CALD1: variants seen among roughly 807,000 people sequenced by gnomAD.
CALD1 encodes caldesmon 1.
Under a neutral mutation model 99.9 loss-of-function variants are expected in CALD1, and 33 were observed. The observed-to-expected ratio is 0.33, with a 90% CI of 0.25 to 0.44. The LOEUF is 0.44. CALD1 is among the 20% of genes least tolerant of loss of function. The probability of loss-of-function intolerance (pLI) is 1.00; values close to 1 mark genes in which losing one functional copy is unlikely to be tolerated. For missense variants in CALD1, 861 were observed against 962.1 expected, an observed-to-expected ratio of 0.89 and a Z score of 1.39; for synonymous variants, 310 against 325.0, an observed-to-expected ratio of 0.95 and a Z score of 0.50.
chr7:134,899,612 A>T (rs1382672660), intron 3 of CALD1, among the ~76,000 whole-genome samples: 2 of 150,234 alleles, frequency 1.3e-5, no homozygotes, highest in African/African-American at 4.9e-5. Context: ...GTGTCTTTCC[A>T]TGTCTGTTTA....
chr7:134,790,257 G>T (rs1585940192), intron 1 of CALD1, among the ~76,000 whole-genome samples: 1 of 152,116 alleles, frequency 6.6e-6, no homozygotes. Context: ...ACAGGTTAAG[G>T]ATGGTTGAGA....
chr7:134,762,211 A>G (rs1243312302), intron 1 of CALD1, among the ~76,000 whole-genome samples: 1 of 152,238 alleles, frequency 6.6e-6, no homozygotes, highest in Non-Finnish European at 1.5e-5. Context: ...GAAGCAGAAA[A>G]TAGAAATGGC....
chr7:134,919,041 T>G (rs759059806), intron 3 of CALD1, among the ~76,000 whole-genome samples: 16 of 152,190 alleles, frequency 1.1e-4, no homozygotes, highest in Non-Finnish European at 1.8e-4. Flanking sequence ...AAAGTAGTCA[T>G]GTACCATACA....
chr7:134,726,208 C>T, the CALD1 span, among the ~76,000 whole-genome samples: 1 of 151,068 alleles, frequency 6.6e-6, no homozygotes, highest in Non-Finnish European at 1.5e-5. Flanking sequence ...CTGAGAAATA[C>T]AACACATAAG....
chr7:134,836,005 T>C (rs965370027), intron 1 of CALD1, among the ~76,000 whole-genome samples: 1 of 151,610 alleles, frequency 6.6e-6, no homozygotes, highest in Non-Finnish European at 1.5e-5. Flanking sequence ...ATTAGCTAGG[T>C]GTGGCGGTGG....
At chr7:134,738,625 T>C in the CALD1 span, among the ~76,000 whole-genome samples, 4 of 152,310 alleles carry the variant, frequency 2.6e-5, no homozygotes, top group East Asian at 7.7e-4. Flanking sequence ...ATTAACAAAT[T>C]AGATGAGAGC....
chr7:134,719,916 A>G, the CALD1 span, among the ~76,000 whole-genome samples: 1 of 152,196 alleles, frequency 6.6e-6, no homozygotes, highest in African/African-American at 2.4e-5. Flanking sequence ...AGATGCCCGC[A>G]GTGAGTGTTT....
At chr7:134,851,702 T>G (rs1800090248) in intron 2 of CALD1, among the ~76,000 whole-genome samples, 1 of 152,182 alleles carries the variant, frequency 6.6e-6, no homozygotes. Flanking sequence ...TCTGGAAATC[T>G]TACCAACCAT....
upstream of CALD1, among the ~76,000 whole-genome samples, chr7:134,774,999 TTC>T (rs1796905763): frequency 6.6e-6 from 1 of 150,948 alleles, no homozygotes; most frequent in Non-Finnish European, 1.5e-5. Flanking sequence ...CATTTGTTAA[TTC>T]TGTTTTTTAT....
At chr7:134,910,175 A>G (rs573754131) in intron 3 of CALD1, among the ~76,000 whole-genome samples, 1 of 152,358 alleles carries the variant, frequency 6.6e-6, no homozygotes, top group South Asian at 2.1e-4. Flanking sequence ...ACTAAAAATC[A>G]CTAGCCCCGT....
chr7:134,768,320 T>G (rs1158560907), intron 1 of CALD1, among the ~76,000 whole-genome samples: 1 of 152,146 alleles, frequency 6.6e-6, no homozygotes, highest in African/African-American at 2.4e-5. Flanking sequence ...ACTGGCCCCA[T>G]CAAAGTGGGT....
intron 7 of CALD1, among the ~76,000 whole-genome samples, chr7:134,944,797 A>G (rs898218307): frequency 6.6e-6 from 1 of 152,224 alleles, no homozygotes; most frequent in Non-Finnish European, 1.5e-5. Flanking sequence ...AAGACTACTT[A>G]TAACAAGGGC....
intron 1 of CALD1, among the ~76,000 whole-genome samples, chr7:134,780,385 T>C (rs1797057317): frequency 6.6e-6 from 1 of 152,250 alleles, no homozygotes; most frequent in Admixed American, 6.5e-5. Flanking sequence ...TAGGCTGGTC[T>C]GTTTCCTATA....
intron 1 of CALD1, among the ~76,000 whole-genome samples, chr7:134,764,615 A>G (rs1796809665): frequency 6.6e-6 from 1 of 152,228 alleles, no homozygotes; most frequent in Non-Finnish European, 1.5e-5. Flanking sequence ...CAGGATGGAT[A>G]TACTTAAATA....
chr7:134,878,644 C>A (rs548541865), intron 3 of CALD1, among the ~76,000 whole-genome samples: 1 of 152,090 alleles, frequency 6.6e-6, no homozygotes, highest in South Asian at 2.1e-4. Context: ...ACAGTGTGAA[C>A]AAAGAATTCT....
At chr7:134,897,220 A>T in intron 3 of CALD1, among the ~76,000 whole-genome samples, 1 of 152,096 alleles carries the variant, frequency 6.6e-6, no homozygotes, top group African/African-American at 2.4e-5. Context: ...ATCAAAAAGG[A>T]CAAAGCTCAG....
intron 1 of CALD1, among the ~76,000 whole-genome samples, chr7:134,749,728 T>C (rs1157462421): frequency 6.6e-6 from 1 of 152,184 alleles, no homozygotes; most frequent in East Asian, 1.9e-4. Flanking sequence ...TCTAACACCA[T>C]GAAGGAATTC....
At chr7:134,817,099 CT>C (rs1280795348) in intron 1 of CALD1, among the ~76,000 whole-genome samples, 1 of 152,060 alleles carries the variant, frequency 6.6e-6, no homozygotes, top group Non-Finnish European at 1.5e-5. Context: ...TTTTTTATCT[CT>C]GCTATTCTCC....
At chr7:134,711,506 C>T in the CALD1 span, among the ~76,000 whole-genome samples, 1 of 152,110 alleles carries the variant, frequency 6.6e-6, no homozygotes, top group Non-Finnish European at 1.5e-5. Context: ...TTCAGACCGA[C>T]TTTGGACTTC....
Sources: allele counts gnomAD v4.1 joint callset (sites outside exome capture counted in the v4.1 genomes callset), GRCh38; gene constraint gnomAD v4.1.1; transcripts MANE v1.5; gene names NCBI Gene and HGNC (gene_info 2026-07-23, HGNC 2026-07-21).